SAMD11: variants seen among roughly 807,000 people sequenced by gnomAD.
SAMD11 encodes the protein sterile alpha motif domain-containing protein 11.
SAMD11 carries 77 observed loss-of-function variants against 64.4 expected under a neutral mutation model. That is an observed-to-expected ratio of 1.20 (90% CI 0.99 to 1.44). The LOEUF is 1.44. Ranked by LOEUF, SAMD11 falls within the 40% of genes most tolerant of loss-of-function variation. The pLI is 0.00. For missense variants in SAMD11, 1,402 were observed against 943.3 expected (o/e 1.49, Z -6.37); for synonymous variants, 658 against 421.9 (o/e 1.56, Z -6.86).
chr1:929,092 CAATA>C (rs1301843152), intron 2 of SAMD11, among the ~76,000 whole-genome samples: 1 of 152,202 alleles, frequency 6.6e-6, no homozygotes, highest in East Asian at 1.9e-4. Context: ...GGAAAATAAT[CAATA>C]ACTTTCCTTT....
At position 944,028 on chromosome 1, in the gene SAMD11, CCCA is replaced by C; in HGVS notation, c.2412_2414del (p.Thr806del). The C allele has an allele frequency of 1.2e-6, 2 of 1,612,870 alleles. No individual in the cohort carries two copies. Among genetic ancestry groups the C allele is most frequent in the Non-Finnish European group, 1.7e-6 (2 of 1,179,982 alleles). On this transcript the variant is annotated inframe_deletion, in exon 14 of 14. Transcript: ENST00000616016. Reference sequence around the variant, plus strand: ...CGGCACAGGAGAGCAGCCCTTGTCCCCCACGACGGCCACGTCCCCCTATGGAGG... The same window carrying C: ...CGGCACAGGAGAGCAGCCCTTGTCCCCGACGGCCACGTCCCCCTATGGAGG...
intron 2 of SAMD11, among the ~76,000 whole-genome samples, chr1:926,478 T>G (rs902435316): frequency 6.6e-6 from 1 of 152,186 alleles, no homozygotes; most frequent in Non-Finnish European, 1.5e-5. Flanking sequence ...CTCTGGGTGC[T>G]GAAGGCCAGA....
In SAMD11 at chr1:943,015, G is replaced by T; in HGVS notation, c.2010G>T (p.Leu670=). 1 of 1,533,750 alleles carries T rather than the reference G, an allele frequency of 6.5e-7. No homozygotes were observed. The highest frequency in any genetic ancestry group is 8.7e-7 in the Non-Finnish European group (1 of 1,143,582). The part of the protein sequence containing the change: ...EGKGLFPGST[L]PLGFPYAVSP... ...AGGGGCTTTTCCCAGGGTCCACACT[G>T]CCCCTGGGCTTCCCTTATGCCGTCA... Residue 670 remains leucine, a synonymous_variant, in exon 11 of 14, where the codon CTG becomes CTT. Coordinates refer to ENST00000616016, the MANE Select transcript of SAMD11 (RefSeq NM_001385641.1).
In SAMD11 at chr1:941,154, G is replaced by A; in HGVS notation, c.1206G>A (p.Arg402=). ...HLGLPSHDLL[R]VRQEVAAAAL... ...TTGTCCCCCACCCAGATCTCCTGAG[G>A]GTCCGGCAGGAGGTGGCGGCTGCAG... is the stretch of plus-strand genomic sequence containing the variant. Residue 402 remains arginine (R), a synonymous_variant, in exon 8 of 14, where the codon AGG becomes AGA. Transcript: ENST00000616016. The A allele has an allele frequency of 1.3e-6, 2 of 1,599,722 alleles. No individual in the cohort carries two copies. Among genetic ancestry groups the A allele is most frequent in the Non-Finnish European group, 1.7e-6 (2 of 1,174,176 alleles).
chr1:933,742 G>GA (rs1553159139), intron 4 of SAMD11, among the ~76,000 whole-genome samples: 1 of 23,864 alleles, frequency 4.2e-5, no homozygotes, highest in Non-Finnish European at 1.9e-4. Context: ...CTATGTGCCT[G>GA]GGGGGGGCTT....
At chr1:929,120 G>T (rs1641046244) in intron 2 of SAMD11, among the ~76,000 whole-genome samples, 1 of 152,250 alleles carries the variant, frequency 6.6e-6, no homozygotes, top group Non-Finnish European at 1.5e-5. Flanking sequence ...CCTGGGGGTG[G>T]CAGGACCTAG....
chr1:943,727 G>A lies in SAMD11; in HGVS notation c.2208G>A (p.Glu736=), dbSNP rs57360688. ...TCAGGGAGCAGGGGATCGACGGGGA[G>A]ACCCTGCCACTGCTGACGGAGGAGC... ...RVFREQGIDG[E]TLPLLTEEHL... The change falls in exon 13 of 14, where the codon GAG becomes GAA. Residue 736 remains glutamate (E), a synonymous_variant. Transcript: ENST00000616016. The A allele has an allele frequency of 1.2e-6, 2 of 1,600,132 alleles. No individual in the cohort carries two copies. Among genetic ancestry groups the A allele is most frequent in the South Asian group, 1.1e-5 (1 of 90,314 alleles).
Position 942,192 on chromosome 1 carries a change from TG to T in SAMD11, c.1418del (p.Gly473AlafsTer91). On this transcript the variant is annotated frameshift_variant, in exon 9 of 14. Transcript: ENST00000616016. LOFTEE classifies it high-confidence loss of function. ...CCGCAGAATGCCCCTCACGTCGCCCTGGGCCCCCATCTCAGGCCCCCCTTCC... is the reference window on the plus strand; with the variant it reads ...CCGCAGAATGCCCCTCACGTCGCCCTGGCCCCCATCTCAGGCCCCCCTTCC... ...LSPQNAPHVA[L>X]GPHLRPPFLG... 1 of 1,394,636 alleles carries T rather than the reference TG, an allele frequency of 7.2e-7. No individual in the cohort carries two copies. The highest frequency in any genetic ancestry group is 9.3e-7 in the Non-Finnish European group (1 of 1,073,136). 86.4% of individuals were successfully genotyped at this position (1,394,636 alleles called of 1,614,324 possible). A position where few individuals can be genotyped will look rare whatever the true frequency, so the allele number is the denominator to read the frequency against.
chr1:941,417 G>T, intron 8 of SAMD11, 111 bp downstream of exon 8: 1 of 1,147,000 alleles, frequency 8.7e-7, no homozygotes, highest in Non-Finnish European at 1.2e-6. Flanking sequence ...TTCAGCTCTA[G>T]GTTCGGGTCC....
In SAMD11 at chr1:939,106, G is replaced by A. The variant is rs1641610366; in HGVS notation, c.1034G>A (p.Arg345Lys). 2 of 1,602,020 alleles carry A rather than the reference G, an allele frequency of 1.2e-6. No homozygotes were observed. The highest frequency in any genetic ancestry group is 1.7e-6 in the Non-Finnish European group (2 of 1,174,600). The part of the protein sequence containing the change: ...RISSDCFSEK[R>K]ARSESPQEAL... ...AGCAGCGACTGCTTTTCAGAGAAGA[G>A]GGCACGAAGCGAATCGCCTCAAGGT... is the stretch of plus-strand genomic sequence containing the variant. Residue 345 changes from arginine (R) to lysine (K), a missense_variant, in exon 6 of 14, where the codon AGG becomes AAG. Arg to Lys is a conservative substitution (Grantham distance 26). Coordinates refer to ENST00000616016, the MANE Select transcript of SAMD11 (RefSeq NM_001385641.1).
intron 1 of SAMD11, 133 bp downstream of exon 1, chr1:925,081 G>A (rs57465118): frequency 0.78 from 118,888 of 151,952 alleles, 51,226 homozygotes; most frequent in Non-Finnish European, 0.97. Flanking sequence ...GGACACCCCC[G>A]CCGCGCGCGG....
chr1:931,584 G>A (rs1267408115), intron 4 of SAMD11, among the ~76,000 whole-genome samples: 2 of 152,194 alleles, frequency 1.3e-5, no homozygotes, highest in African/African-American at 4.8e-5. Flanking sequence ...GAGTGAACCT[G>A]GCAGCTCTGG....
At chr1:936,105 G>A (rs1457880891) in intron 5 of SAMD11, among the ~76,000 whole-genome samples, 1 of 152,232 alleles carries the variant, frequency 6.6e-6, no homozygotes, top group Non-Finnish European at 1.5e-5. Context: ...TGTGGCTGCC[G>A]CTGGGGTGGG....
At chr1:943,457 G>A (rs1024615575) in intron 12 of SAMD11, 80 bp downstream of exon 12, 28 of 1,269,226 alleles carry the variant, frequency 2.2e-5, no homozygotes, top group African/African-American at 9.0e-5. Flanking sequence ...TGGTGGGGTA[G>A]GGCCATTCCC....
chr1:936,034 G>C (rs1284855438), intron 5 of SAMD11, 138 bp downstream of exon 5: 1 of 899,216 alleles, frequency 1.1e-6, no homozygotes, highest in East Asian at 2.7e-5. Context: ...GGCTGCATGG[G>C]ATGGTAATTG....
At chr1:942,352 A>T in intron 9 of SAMD11, 58 bp from the exon 10 acceptor site, 1 of 1,198,370 alleles carries the variant, frequency 8.3e-7, no homozygotes, top group Non-Finnish European at 1.1e-6. Flanking sequence ...GGGATTGCAA[A>T]GGGCCGGCTC....
intron 3 of SAMD11, 43 bp from the exon 4 acceptor site, chr1:930,996 G>A: frequency 6.3e-7 from 1 of 1,592,932 alleles, no homozygotes. Flanking sequence ...CTGGGGTCAG[G>A]GGCCTCCAGA....
chr1:941,666 T>TCCCGGCACAGACAAGGCC (rs1553160134), intron 8 of SAMD11, among the ~76,000 whole-genome samples: 1 of 151,898 alleles, frequency 6.6e-6, no homozygotes, highest in Non-Finnish European at 1.5e-5. Flanking sequence ...CCGGATCTGT[T>TCCCGGCACAGACAAGGCC]CCCGGCACAG....
intron 5 of SAMD11, among the ~76,000 whole-genome samples, chr1:937,303 C>T (rs2100336539): frequency 6.6e-6 from 1 of 152,248 alleles, no homozygotes; most frequent in African/African-American, 2.4e-5. Flanking sequence ...GGTCCTGCAT[C>T]TGCCTCTGTG....
Sources: allele counts gnomAD v4.1 joint callset (sites outside exome capture counted in the v4.1 genomes callset), GRCh38; gene constraint gnomAD v4.1.1; transcripts MANE v1.5; gene names NCBI Gene and HGNC (gene_info 2026-07-23, HGNC 2026-07-21).